Variants in NR3C1 observed in about 807,000 individuals in gnomAD.
The protein encoded by NR3C1 is glucocorticoid receptor.
NR3C1 carries 14 observed loss-of-function variants against 74.0 expected under a neutral mutation model. The observed-to-expected ratio is 0.19, with a 90% CI of 0.12 to 0.30. NR3C1 has a LOEUF of 0.30. Among genes scored for constraint, NR3C1 ranks in the 10% least tolerant of loss-of-function variants. NR3C1 has a pLI of 1.00. For missense variants in NR3C1, 695 were observed against 909.8 expected (o/e 0.76, Z 3.04); for synonymous variants, 308 against 332.5 (o/e 0.93, Z 0.80).
At chr5:143,337,256 GTTAC>G (rs1442836495) in intron 2 of NR3C1, among the ~76,000 whole-genome samples, 2 of 152,022 alleles carry the variant, frequency 1.3e-5, no homozygotes, top group African/African-American at 4.8e-5. Flanking sequence ...CATATGAAAA[GTTAC>G]TCAGCTTAAT....
At chr5:143,405,255 G>A, upstream of NR3C1, 25 of 985,812 alleles carry the variant, frequency 2.5e-5, no homozygotes, top group Non-Finnish European at 2.8e-5. Context: ...GACATCGCTT[G>A]CCAGCTCCTG....
chr5:143,371,842 T>C (rs1004552253), intron 2 of NR3C1, among the ~76,000 whole-genome samples: 2 of 152,198 alleles, frequency 1.3e-5, no homozygotes, highest in African/African-American at 2.4e-5. Flanking sequence ...ACTAATCACA[T>C]TTTTCTTCTT....
At chr5:143,314,724 A>C (rs918869111) in intron 2 of NR3C1, among the ~76,000 whole-genome samples, 7 of 152,190 alleles carry the variant, frequency 4.6e-5, no homozygotes, top group African/African-American at 1.4e-4. Flanking sequence ...CTAGAGTCAA[A>C]ATTTTTTTAC....
At chr5:143,333,449 T>C (rs1194141903) in intron 2 of NR3C1, among the ~76,000 whole-genome samples, 4 of 152,094 alleles carry the variant, frequency 2.6e-5, no homozygotes, top group African/African-American at 9.7e-5. Flanking sequence ...CTAAGAGTTA[T>C]AGGCTTAAAG....
intron 2 of NR3C1, among the ~76,000 whole-genome samples, chr5:143,318,504 T>C (rs1822653041): frequency 6.6e-6 from 1 of 152,180 alleles, no homozygotes; most frequent in Non-Finnish European, 1.5e-5. Flanking sequence ...GTTGACATAG[T>C]TCATTATGTA....
In NR3C1 at chr5:143,414,988, G is replaced by T. The variant is rs187427326; in HGVS notation, c.-13-14136C>A. 1.1e-4 allele frequency among the ~76,000 whole-genome samples: 16 copies of T among 152,162 alleles called. No individual in the cohort carries two copies. In the East Asian group the frequency reaches 2.9e-3, roughly 28 times the overall value. On this transcript the variant is annotated intron_variant, in intron 1 of 8. Coordinates refer to the NR3C1 transcript ENST00000343796. Reference sequence around the variant, plus strand: ...GAAAGATCTTACAGAAGAGAGATTGGGGCCATCCAAGAAAAATCGTTATCT... The same window carrying T: ...GAAAGATCTTACAGAAGAGAGATTGTGGCCATCCAAGAAAAATCGTTATCT...
chr5:143,335,758 C>T (rs962011446), intron 2 of NR3C1, among the ~76,000 whole-genome samples: 10 of 152,188 alleles, frequency 6.6e-5, no homozygotes, highest in Non-Finnish European at 1.2e-4. Context: ...TTGGCTGTAA[C>T]TTCCATTCTC....
intron 2 of NR3C1, among the ~76,000 whole-genome samples, chr5:143,319,803 G>GA (rs964196083): frequency 2.3e-4 from 31 of 134,516 alleles, no homozygotes; most frequent in Middle Eastern, 3.8e-3. Flanking sequence ...AAGTGGAAAA[G>GA]AAAAAAAAAA....
At chr5:143,283,590 C>T (rs543256342) in intron 7 of NR3C1, among the ~76,000 whole-genome samples, 21 of 152,244 alleles carry the variant, frequency 1.4e-4, no homozygotes, top group African/African-American at 4.6e-4. Context: ...AATCGGCATG[C>T]AATACTTTTT....
At chr5:143,293,047 T>C (rs545008275) in intron 7 of NR3C1, among the ~76,000 whole-genome samples, 3 of 152,356 alleles carry the variant, frequency 2.0e-5, no homozygotes. Flanking sequence ...TCTTCTGCTT[T>C]TAGATCCATC....
intron 2 of NR3C1, among the ~76,000 whole-genome samples, chr5:143,374,257 C>T (rs1392047148): frequency 6.6e-6 from 1 of 152,076 alleles, no homozygotes. Context: ...CTTTGGGAGG[C>T]CGAGGCGGGT....
chr5:143,410,247 C>G (rs868577582), intron 1 of NR3C1, among the ~76,000 whole-genome samples: 3 of 152,150 alleles, frequency 2.0e-5, no homozygotes, highest in African/African-American at 7.2e-5. Flanking sequence ...TGCCCCGCTG[C>G]TATGTGGAAT....
intron 3 of NR3C1, among the ~76,000 whole-genome samples, chr5:143,310,494 A>C (rs774687909): frequency 6.6e-6 from 1 of 152,148 alleles, no homozygotes; most frequent in East Asian, 1.9e-4. Flanking sequence ...CCATTTAATA[A>C]ATTTTTACAA....
intron 2 of NR3C1, among the ~76,000 whole-genome samples, chr5:143,388,241 T>C (rs1837611009): frequency 6.6e-6 from 1 of 152,220 alleles, no homozygotes; most frequent in Non-Finnish European, 1.5e-5. Flanking sequence ...TCTTTATGTA[T>C]ACTCTCTGTA....
chr5:143,412,437 A>G (rs551203473), intron 1 of NR3C1, among the ~76,000 whole-genome samples: 1 of 151,994 alleles, frequency 6.6e-6, no homozygotes, highest in African/African-American at 2.4e-5. Context: ...TTTTTCTCAC[A>G]TTTGGCAATT....
chr5:143,306,344 AT>A (rs1297321348), intron 4 of NR3C1, among the ~76,000 whole-genome samples: 9 of 149,544 alleles, frequency 6.0e-5, no homozygotes, highest in Non-Finnish European at 1.0e-4. Context: ...GAACAAGAGA[AT>A]ATTTCTGAAG....
upstream of NR3C1, among the ~76,000 whole-genome samples, chr5:143,406,664 C>T (rs1220939733): frequency 6.6e-6 from 1 of 152,098 alleles, no homozygotes; most frequent in African/African-American, 2.4e-5. Flanking sequence ...TATTGTTATT[C>T]GATTTTTCAA....
Position 143,400,479 on chromosome 5 carries a change from G to C in NR3C1, c.361C>G (p.Leu121Val). 2 of 1,614,212 alleles carry C rather than the reference G, an allele frequency of 1.2e-6. No individual in the cohort carries two copies. Among genetic ancestry groups the C allele is most frequent in the Non-Finnish European group, 1.7e-6 (2 of 1,180,034 alleles). ...SLSSGETDLKLLEESIANLNR... is the reference protein window; with the variant it reads ...SLSSGETDLKVLEESIANLNR... Reference sequence around the variant, plus strand: ...AGGTTTGCAATGCTTTCTTCCAAAAGCTTTAAGTCTGTTTCCCCCGAGGAA... The same window carrying C: ...AGGTTTGCAATGCTTTCTTCCAAAACCTTTAAGTCTGTTTCCCCCGAGGAA... Residue 121 changes from leucine to valine, a missense_variant, in exon 2 of 9, where the codon CTT becomes GTT. Transcript: ENST00000394464.
chr5:143,377,172 T>C (rs577151884), intron 2 of NR3C1, among the ~76,000 whole-genome samples: 2 of 152,342 alleles, frequency 1.3e-5, no homozygotes, highest in South Asian at 4.1e-4. Flanking sequence ...TAATGAAGCA[T>C]AAATTCATTC....
Sources: gnomAD v4.1 joint callset for allele counts (sites outside exome capture counted in the v4.1 genomes callset) on GRCh38, gnomAD v4.1.1 for gene constraint, MANE v1.5 for transcripts, NCBI Gene and HGNC (gene_info 2026-07-23, HGNC 2026-07-21) for gene names.